DGKB: variants seen among roughly 807,000 people sequenced by gnomAD.
DGKB encodes diacylglycerol kinase beta.
In DGKB, 67 loss-of-function variants were observed where a neutral mutation model predicts 114.3. The ratio of observed to expected loss-of-function variants is 0.59; its 90% CI spans 0.48 to 0.72. The LOEUF (loss-of-function observed/expected upper bound fraction) is 0.72. Ranked by LOEUF, DGKB falls within the 30% of genes least tolerant of loss-of-function variation. The probability of loss-of-function intolerance (pLI) is 0.00; values close to 1 mark genes in which losing one functional copy is unlikely to be tolerated. For missense variants in DGKB, 907 were observed against 975.2 expected (o/e 0.93, Z 0.93); for synonymous variants, 398 against 323.1 (o/e 1.23, Z -2.49).
chr7:14,882,796 C>T (rs1217500168), intron 1 of DGKB, among the ~76,000 whole-genome samples: 1 of 151,888 alleles, frequency 6.6e-6, no homozygotes, highest in Non-Finnish European at 1.5e-5. Context: ...CTGAATGGTA[C>T]TACATTGTGT....
At chr7:14,629,079 A>G (rs563537348) in intron 14 of DGKB, among the ~76,000 whole-genome samples, 17 of 152,112 alleles carry the variant, frequency 1.1e-4, no homozygotes, top group African/African-American at 3.6e-4. Flanking sequence ...TGCAATGCCT[A>G]TATTTGCTTG....
At chr7:14,503,280 A>C (rs958678870) in intron 20 of DGKB, among the ~76,000 whole-genome samples, 1 of 152,034 alleles carries the variant, frequency 6.6e-6, no homozygotes, top group Non-Finnish European at 1.5e-5. Context: ...TTATTCTTAA[A>C]ACTCTTTTGA....
intron 21 of DGKB, among the ~76,000 whole-genome samples, chr7:14,445,714 G>A (rs548287325): frequency 3.8e-4 from 57 of 151,842 alleles, no homozygotes; most frequent in Non-Finnish European, 7.2e-4. Context: ...TTTTTCCCAA[G>A]GATCATAAAG....
At chr7:14,586,034 A>T (rs548623427) in intron 17 of DGKB, among the ~76,000 whole-genome samples, 27 of 152,204 alleles carry the variant, frequency 1.8e-4, no homozygotes, top group African/African-American at 6.3e-4. Flanking sequence ...AATGTCCTCT[A>T]AGTGTTCAAG....
At chr7:14,492,647 T>A (rs1482062710) in intron 20 of DGKB, among the ~76,000 whole-genome samples, 1 of 152,080 alleles carries the variant, frequency 6.6e-6, no homozygotes, top group Non-Finnish European at 1.5e-5. Context: ...GATGGGTTTC[T>A]ACAGTTCTAG....
At chr7:14,548,270 G>A (rs749027131) in intron 20 of DGKB, among the ~76,000 whole-genome samples, 40 of 152,120 alleles carry the variant, frequency 2.6e-4, no homozygotes, top group Non-Finnish European at 4.4e-4. Flanking sequence ...CCTTCACCTG[G>A]AGGAGCTCAG....
chr7:14,857,774 C>T (rs1325485289), intron 1 of DGKB, among the ~76,000 whole-genome samples: 1 of 151,678 alleles, frequency 6.6e-6, no homozygotes, highest in Non-Finnish European at 1.5e-5. Flanking sequence ...AAGCATTTTT[C>T]AGTTGGTGGT....
At chr7:14,538,877 CAGA>C (rs1792966703) in intron 20 of DGKB, among the ~76,000 whole-genome samples, 1 of 152,050 alleles carries the variant, frequency 6.6e-6, no homozygotes, top group Non-Finnish European at 1.5e-5. Flanking sequence ...AAGCCAGTCA[CAGA>C]AGGACAAACA....
chr7:14,484,233 T>C (rs1783427823), intron 20 of DGKB, among the ~76,000 whole-genome samples: 1 of 152,120 alleles, frequency 6.6e-6, no homozygotes, highest in Non-Finnish European at 1.5e-5. Flanking sequence ...CTCCACAAAG[T>C]TGACACACAA....
At position 14,898,879 on chromosome 7, in the gene DGKB, A is replaced by C. The variant is rs367810350; in HGVS notation, c.-188+3713T>G. ...GTGATCGGCATATTGCCAATCAAAA[A>C]TAACTGAGTTGGGGACATTGTGTTT... On this transcript the variant is annotated intron_variant, in intron 1 of 25. Transcript: ENST00000402815. Among the ~76,000 whole-genome samples, 277 of 152,296 alleles carry C rather than the reference A, an allele frequency of 1.8e-3. 3 individuals are homozygous for C. The highest frequency in any genetic ancestry group is 6.3e-3 in the African/African-American group (262 of 41,592).
intron 2 of DGKB, among the ~76,000 whole-genome samples, chr7:14,833,983 G>A (rs577718638): frequency 2.0e-4 from 30 of 152,124 alleles, no homozygotes; most frequent in Non-Finnish European, 3.7e-4. Context: ...CTGTCTCTCC[G>A]AACAGGCTGC....
chr7:14,295,111 C>G (rs564275207), intron 23 of DGKB, among the ~76,000 whole-genome samples: 37 of 152,258 alleles, frequency 2.4e-4, no homozygotes, highest in African/African-American at 8.7e-4. Context: ...ACTGTTTCCC[C>G]AGCATGTAGA....
chr7:14,861,577 G>A (rs1225868700), intron 1 of DGKB, among the ~76,000 whole-genome samples: 1 of 151,804 alleles, frequency 6.6e-6, no homozygotes, highest in Non-Finnish European at 1.5e-5. Context: ...AACATTACCA[G>A]CACATTAGAT....
chr7:14,378,382 GAAA>G (rs1175976399), intron 21 of DGKB, among the ~76,000 whole-genome samples: 3 of 152,280 alleles, frequency 2.0e-5, no homozygotes, highest in Admixed American at 6.5e-5. Context: ...TTTTTAGTTT[GAAA>G]AGTGTATCAT....
chr7:14,851,131 C>T (rs148449818), intron 1 of DGKB, among the ~76,000 whole-genome samples: 8 of 151,954 alleles, frequency 5.3e-5, no homozygotes, highest in African/African-American at 7.2e-5. Context: ...AGTACATATA[C>T]GGGGGAAAAG....
intron 1 of DGKB, among the ~76,000 whole-genome samples, chr7:14,909,577 T>C (rs951900751): frequency 6.6e-6 from 1 of 152,174 alleles, no homozygotes; most frequent in Non-Finnish European, 1.5e-5. Flanking sequence ...TGAGGTTTCT[T>C]GGCTAGTATA....
At chr7:14,207,716 TA>T (rs1208691387) in intron 23 of DGKB, among the ~76,000 whole-genome samples, 1 of 152,018 alleles carries the variant, frequency 6.6e-6, no homozygotes, top group East Asian at 1.9e-4. Flanking sequence ...TGTGTCAAAA[TA>T]AAACTGTTTT....
intron 21 of DGKB, among the ~76,000 whole-genome samples, chr7:14,393,944 G>A (rs147808736): frequency 9.9e-5 from 15 of 152,128 alleles, no homozygotes; most frequent in African/African-American, 3.6e-4. Context: ...CCAATCTGAG[G>A]GGAGCTAGCT....
intron 2 of DGKB, among the ~76,000 whole-genome samples, chr7:14,827,784 C>T (rs766871569): frequency 6.6e-6 from 1 of 152,016 alleles, no homozygotes; most frequent in African/African-American, 2.4e-5. Context: ...GTGTTGTAGA[C>T]AATGATGCAT....
Sources: gnomAD v4.1 joint callset for allele counts (sites outside exome capture counted in the v4.1 genomes callset) on GRCh38, gnomAD v4.1.1 for gene constraint, MANE v1.5 for transcripts, NCBI Gene and HGNC (gene_info 2026-07-23, HGNC 2026-07-21) for gene names.